The following STK3 variants were observed in gnomAD, a reference collection of about 807,000 sequenced individuals.
STK3 encodes the protein serine/threonine kinase 3, also known as serine/threonine-protein kinase 3.
In STK3, 41 loss-of-function variants were observed where a neutral mutation model predicts 58.0. That is an observed-to-expected ratio of 0.71 (90% confidence interval 0.55 to 0.92). The LOEUF is 0.92. STK3 is among the 40% of genes least tolerant of loss of function. The pLI, the probability that STK3 is intolerant of heterozygous loss-of-function variation, is 0.00. For missense variants in STK3, 479 were observed against 602.7 expected, an observed-to-expected ratio of 0.79 and a Z score of 2.15; for synonymous variants, 170 against 191.0, an observed-to-expected ratio of 0.89 and a Z score of 0.91.
At chr8:98,904,087 T>C (rs1838790765) in intron 1 of STK3, among the ~76,000 whole-genome samples, 1 of 152,178 alleles carries the variant, frequency 6.6e-6, no homozygotes, top group Non-Finnish European at 1.5e-5. Flanking sequence ...TTTCAGCTAA[T>C]GCTGTACCAC....
intron 6 of STK3, among the ~76,000 whole-genome samples, chr8:98,640,307 C>T (rs1040387867): frequency 6.6e-6 from 1 of 152,102 alleles, no homozygotes; most frequent in African/African-American, 2.4e-5. Flanking sequence ...GCCTTGGCCT[C>T]CCAAAGTGCT....
Position 98,665,727 on chromosome 8 carries a change from C to T in STK3, c.684+40740G>A, listed in dbSNP as rs183576031. On this transcript the variant is annotated intron_variant, in intron 6 of 10. Coordinates refer to ENST00000419617, the MANE Select transcript of STK3 (RefSeq NM_006281.4). ...TCCTGATTTTTTTTTTTTTTGAGAC[C>T]GAGTCTTGCTCTGTCGCCCAGGCTG... Among the ~76,000 whole-genome samples the T allele has an allele frequency of 6.5e-3, 914 of 141,006 alleles. 5 individuals carry two copies. The highest frequency in any genetic ancestry group is 0.022 in the African/African-American group (865 of 39,192). The allele number at this position is 141,006 out of a possible 152,430, so 92.5% of individuals were successfully genotyped here.
chr8:98,394,275 G>A (rs778576143), intron 3 of STK3, among the ~76,000 whole-genome samples: 11 of 152,160 alleles, frequency 7.2e-5, no homozygotes, highest in Admixed American at 1.3e-4. Context: ...AGACAATGTG[G>A]TTGGAGCCAG....
chr8:98,792,071 G>A (rs1832839024), intron 1 of STK3, among the ~76,000 whole-genome samples: 1 of 152,078 alleles, frequency 6.6e-6, no homozygotes, highest in Non-Finnish European at 1.5e-5. Context: ...TCTGACAAAG[G>A]ACTAATATCC....
At chr8:98,813,025 T>TA (rs1220262195) in intron 1 of STK3, among the ~76,000 whole-genome samples, 1 of 93,302 alleles carries the variant, frequency 1.1e-5, no homozygotes, top group African/African-American at 4.7e-5. Context: ...CCCTAGAACT[T>TA]AAAGCACAAT....
intron 8 of STK3, among the ~76,000 whole-genome samples, chr8:98,554,567 T>G (rs529505263): frequency 6.6e-6 from 1 of 152,158 alleles, no homozygotes; most frequent in Non-Finnish European, 1.5e-5. Context: ...TTACTGCATA[T>G]TATTTTTACT....
chr8:98,353,980 A>T, the STK3 span, among the ~76,000 whole-genome samples: 1 of 152,130 alleles, frequency 6.6e-6, no homozygotes, highest in Non-Finnish European at 1.5e-5. Context: ...GAACTCATAG[A>T]GCTGTGGAGC....
intron 3 of STK3, among the ~76,000 whole-genome samples, chr8:98,838,987 T>TG (rs1208762652): frequency 2.3e-5 from 3 of 131,858 alleles, no homozygotes; most frequent in Admixed American, 1.5e-4. Flanking sequence ...GTTTGTTTGT[T>TG]TTGTGTGTGT....
intron 2 of STK3, among the ~76,000 whole-genome samples, chr8:98,376,049 C>T (rs1448358505): frequency 6.6e-6 from 1 of 152,174 alleles, no homozygotes; most frequent in Non-Finnish European, 1.5e-5. Flanking sequence ...AATGTATGAG[C>T]ATTTTAGTTG....
chr8:98,600,878 A>T (rs972399717), intron 6 of STK3, among the ~76,000 whole-genome samples: 1 of 152,234 alleles, frequency 6.6e-6, no homozygotes, highest in African/African-American at 2.4e-5. Flanking sequence ...AACAGTAAAG[A>T]CTGCTTTCAC....
At chr8:98,561,742 G>A (rs144007709) in intron 8 of STK3, among the ~76,000 whole-genome samples, 91 of 152,146 alleles carry the variant, frequency 6.0e-4, no homozygotes, top group African/African-American at 2.1e-3. Flanking sequence ...AATCAAAAAT[G>A]GGAGAAAATA....
chr8:98,426,784 A>C (rs1284578681), intron 3 of STK3, among the ~76,000 whole-genome samples: 1 of 151,976 alleles, frequency 6.6e-6, no homozygotes, highest in East Asian at 1.9e-4. Context: ...TGATAATAAC[A>C]GCTGTCACCG....
intron 10 of STK3, among the ~76,000 whole-genome samples, chr8:98,470,001 T>C (rs1351702422): frequency 6.6e-6 from 1 of 152,180 alleles, no homozygotes; most frequent in African/African-American, 2.4e-5. Flanking sequence ...CAATCTGAAA[T>C]AAATGACCCA....
chr8:98,855,058 A>AAACAAC (rs374263713), intron 3 of STK3, among the ~76,000 whole-genome samples: 2 of 151,848 alleles, frequency 1.3e-5, no homozygotes, highest in Admixed American at 6.6e-5. Flanking sequence ...CGCTGTCTCA[A>AAACAAC]AACAACAACA....
chr8:98,385,210 G>A (rs1817778432), intron 1 of STK3, among the ~76,000 whole-genome samples: 1 of 151,410 alleles, frequency 6.6e-6, no homozygotes, highest in Non-Finnish European at 1.5e-5. Context: ...CCTGGGCTGA[G>A]CCCTAGATAG....
intron 6 of STK3, among the ~76,000 whole-genome samples, chr8:98,663,130 C>G (rs925928960): frequency 2.0e-5 from 3 of 152,172 alleles, no homozygotes; most frequent in Non-Finnish European, 4.4e-5. Context: ...ATCTACTCAT[C>G]TGACAAAGGG....
At chr8:98,645,471 C>T (rs1459550109) in intron 6 of STK3, among the ~76,000 whole-genome samples, 1 of 152,140 alleles carries the variant, frequency 6.6e-6, no homozygotes, top group African/African-American at 2.4e-5. Context: ...TTGCTATAGG[C>T]TAAACGGCAC....
intron 1 of STK3, among the ~76,000 whole-genome samples, chr8:98,384,818 T>C (rs924824780): frequency 6.6e-6 from 1 of 152,192 alleles, no homozygotes. Context: ...TCTTGAATCC[T>C]TTCTGCTTTC....
At chr8:98,577,263 G>C (rs970432811) in intron 8 of STK3, among the ~76,000 whole-genome samples, 1 of 152,078 alleles carries the variant, frequency 6.6e-6, no homozygotes, top group Non-Finnish European at 1.5e-5. Flanking sequence ...GAGGTGGGTG[G>C]AACACCCAAA....
Sources: allele counts gnomAD v4.1 joint callset (sites outside exome capture counted in the v4.1 genomes callset), GRCh38; gene constraint gnomAD v4.1.1; transcripts MANE v1.5; gene names NCBI Gene and HGNC (gene_info 2026-07-23, HGNC 2026-07-21).